Variants in LRRC4C observed in about 807,000 individuals in gnomAD.
LRRC4C encodes the protein leucine-rich repeat-containing protein 4C.
Under a neutral mutation model 33.6 loss-of-function variants are expected in LRRC4C, and 5 were observed. That is an observed-to-expected ratio of 0.15 (90% CI 0.08 to 0.31). LRRC4C has a LOEUF of 0.31. Among genes scored for constraint, LRRC4C ranks in the 10% least tolerant of loss-of-function variants. The probability of loss-of-function intolerance (pLI) is 1.00; values close to 1 mark genes in which losing one functional copy is unlikely to be tolerated. For missense variants in LRRC4C, 560 were observed against 796.7 expected (o/e 0.70, Z 3.58); for synonymous variants, 329 against 302.0 (o/e 1.09, Z -0.93).
Position 41,458,543 on chromosome 11 carries a change from GT to G in LRRC4C, c.-496+887del, listed in dbSNP as rs1180200360. Reference sequence around the variant, plus strand: ...CGTTTCACTTTGAAGGAAAAGCGTGGTGGGGGGGAGGGGGGCGGGTGAAGAA... The same window carrying G: ...CGTTTCACTTTGAAGGAAAAGCGTGGGGGGGGGAGGGGGGCGGGTGAAGAA... On this transcript the variant is annotated intron_variant, in intron 1 of 6. Coordinates refer to ENST00000528697, the MANE Select transcript of LRRC4C (RefSeq NM_001258419.2). 2.2e-5 allele frequency among the ~76,000 whole-genome samples: 3 copies of G among 137,026 alleles called. No individual in the cohort carries two copies. In the East Asian group the frequency reaches 7.5e-4, roughly 34 times the overall value. The allele number at this position is 137,026 out of a possible 152,430, so 89.9% of individuals were successfully genotyped here.
At chr11:41,032,129 G>A (rs1856763867) in intron 1 of LRRC4C, among the ~76,000 whole-genome samples, 1 of 152,004 alleles carries the variant, frequency 6.6e-6, no homozygotes, top group South Asian at 2.1e-4. Flanking sequence ...GGGGAAAGCT[G>A]CAGTTTGATG....
At chr11:40,405,142 T>G (rs1044128761) in intron 3 of LRRC4C, among the ~76,000 whole-genome samples, 1 of 137,040 alleles carries the variant, frequency 7.3e-6, no homozygotes, top group African/African-American at 3.0e-5. Flanking sequence ...ATATTTGAAC[T>G]TTTTTTTTTT....
At chr11:41,168,107 A>G (rs1177380688) in intron 1 of LRRC4C, among the ~76,000 whole-genome samples, 1 of 152,132 alleles carries the variant, frequency 6.6e-6, no homozygotes, top group Non-Finnish European at 1.5e-5. Context: ...CCAGGCATAT[A>G]TATCCCACCT....
intron 2 of LRRC4C, among the ~76,000 whole-genome samples, chr11:40,842,165 A>G (rs951128631): frequency 2.0e-5 from 3 of 152,178 alleles, no homozygotes; most frequent in African/African-American, 7.2e-5. Flanking sequence ...GTTTGTCTTT[A>G]GGGGACAGTG....
intron 1 of LRRC4C, among the ~76,000 whole-genome samples, chr11:41,309,844 T>C (rs895777680): frequency 1.3e-5 from 2 of 152,232 alleles, no homozygotes; most frequent in Non-Finnish European, 2.9e-5. Context: ...CAGCCTTATC[T>C]TACATGCTCT....
At chr11:41,248,903 A>C (rs1948540220) in intron 1 of LRRC4C, among the ~76,000 whole-genome samples, 1 of 152,208 alleles carries the variant, frequency 6.6e-6, no homozygotes, top group African/African-American at 2.4e-5. Flanking sequence ...ACGTTGCTTT[A>C]GTCTTTACTC....
Position 40,912,367 on chromosome 11 carries a change from C to T in LRRC4C, c.-407+21268G>A, listed in dbSNP as rs560131590. ...GATCTCTCAGCAGAAACTCTACAAG[C>T]CAGAAGAAAGTTGGGGCCAATATTC... On this transcript the variant is annotated intron_variant, in intron 2 of 6. Transcript: ENST00000528697. 5.3e-5 allele frequency among the ~76,000 whole-genome samples: 8 copies of T among 152,278 alleles called. No individual in the cohort carries two copies. In the South Asian group the frequency reaches 1.7e-3, roughly 32 times the overall value.
At chr11:40,660,314 C>T (rs1301994432) in intron 2 of LRRC4C, among the ~76,000 whole-genome samples, 1 of 152,184 alleles carries the variant, frequency 6.6e-6, no homozygotes, top group African/African-American at 2.4e-5. Context: ...TCTAGGCCAG[C>T]AGCATGAGTG....
intron 2 of LRRC4C, among the ~76,000 whole-genome samples, chr11:40,907,122 C>A (rs1956458158): frequency 6.6e-6 from 1 of 152,198 alleles, no homozygotes; most frequent in Non-Finnish European, 1.5e-5. Flanking sequence ...CTTAGTTATT[C>A]TTTCAGATTA....
intron 3 of LRRC4C, among the ~76,000 whole-genome samples, chr11:40,488,759 T>C (rs1294446697): frequency 6.6e-6 from 1 of 152,124 alleles, no homozygotes; most frequent in Admixed American, 6.6e-5. Context: ...CTTCCCTTTT[T>C]CTGTGCCTTG....
Position 40,948,202 on chromosome 11 carries a change from A to T in LRRC4C, c.-495-14479T>A, listed in dbSNP as rs1177147504. Among the ~76,000 whole-genome samples the T allele has an allele frequency of 2.6e-5, 4 of 152,098 alleles. 1 individual carries two copies. Among genetic ancestry groups the T allele is most frequent in the Non-Finnish European group, 5.9e-5 (4 of 68,008 alleles). On this transcript the variant is annotated intron_variant, in intron 1 of 6. Coordinates refer to ENST00000528697, the MANE Select transcript of LRRC4C (RefSeq NM_001258419.2). ...CCCTCAATATACTCCATATTCAAAA[A>T]TATTTCAAGCTTCATATTTTTGGAC...
intron 1 of LRRC4C, among the ~76,000 whole-genome samples, chr11:41,337,116 C>T (rs1951481236): frequency 6.6e-6 from 1 of 152,074 alleles, no homozygotes. Context: ...ATGATCACCA[C>T]TCACTGAAGC....
intron 1 of LRRC4C, among the ~76,000 whole-genome samples, chr11:41,055,810 T>G (rs72890329): frequency 0.04 from 6,094 of 152,216 alleles, 163 homozygotes; most frequent in Non-Finnish European, 0.06. Context: ...AACTCTCTAG[T>G]GCTTACCCAA....
At chr11:41,024,278 G>A (rs888240280) in intron 1 of LRRC4C, among the ~76,000 whole-genome samples, 3 of 151,630 alleles carry the variant, frequency 2.0e-5, no homozygotes, top group African/African-American at 2.4e-5. Context: ...CAGTAGCTAC[G>A]CAGCTCAACT....
intron 3 of LRRC4C, among the ~76,000 whole-genome samples, chr11:40,608,253 G>A (rs1960839253): frequency 1.3e-5 from 2 of 152,008 alleles, no homozygotes; most frequent in Admixed American, 6.6e-5. Context: ...AAATTGTGGG[G>A]GGAAAGTAAA....
intron 1 of LRRC4C, among the ~76,000 whole-genome samples, chr11:41,390,085 A>C (rs73469970): frequency 0.2 from 29,911 of 151,762 alleles, 3,069 homozygotes; most frequent in South Asian, 0.24. Flanking sequence ...ATATTAATAT[A>C]TGAATAAAAC....
chr11:40,723,310 C>T (rs1487843444), intron 2 of LRRC4C, among the ~76,000 whole-genome samples: 2 of 151,290 alleles, frequency 1.3e-5, no homozygotes, highest in East Asian at 3.9e-4. Context: ...AGTCATCCGA[C>T]TTTCTAAGAT....
At chr11:40,808,794 T>C (rs968198580) in intron 2 of LRRC4C, among the ~76,000 whole-genome samples, 2 of 152,220 alleles carry the variant, frequency 1.3e-5, no homozygotes, top group Admixed American at 6.5e-5. Flanking sequence ...AATAACTTGC[T>C]TTCTCTCTGA....
At chr11:40,902,015 C>T (rs1956230590) in intron 2 of LRRC4C, among the ~76,000 whole-genome samples, 1 of 127,364 alleles carries the variant, frequency 7.9e-6, no homozygotes, top group South Asian at 2.6e-4. Flanking sequence ...CACACACACA[C>T]ACACACACAC....
Sources: gnomAD v4.1 joint callset for allele counts (sites outside exome capture counted in the v4.1 genomes callset) on GRCh38, gnomAD v4.1.1 for gene constraint, MANE v1.5 for transcripts, NCBI Gene and HGNC (gene_info 2026-07-23, HGNC 2026-07-21) for gene names.